Variants in TSPAN9 observed in about 807,000 individuals in gnomAD.
TSPAN9 encodes the protein tetraspanin-9.
Under a neutral mutation model 31.0 loss-of-function variants are expected in TSPAN9, and 16 were observed. The ratio of observed to expected loss-of-function variants is 0.52; its 90% CI spans 0.35 to 0.78. The LOEUF (loss-of-function observed/expected upper bound fraction) is 0.78, where lower values mean the gene tolerates loss of function less well. Among genes scored for constraint, TSPAN9 ranks in the 30% least tolerant of loss-of-function variants. TSPAN9 has a pLI of 0.01. For missense variants in TSPAN9, 272 were observed against 312.5 expected (o/e 0.87, Z 0.98); for synonymous variants, 145 against 121.6 (o/e 1.19, Z -1.27).
At chr12:3,247,969 G>T (rs660140) in intron 3 of TSPAN9, among the ~76,000 whole-genome samples, 1 of 152,022 alleles carries the variant, frequency 6.6e-6, no homozygotes, top group Non-Finnish European at 1.5e-5. Context: ...AGCGCAGCGG[G>T]GCATGGAGGA....
At chr12:3,086,275 T>G (rs1368783236) in intron 2 of TSPAN9, among the ~76,000 whole-genome samples, 2 of 151,836 alleles carry the variant, frequency 1.3e-5, no homozygotes, top group African/African-American at 2.4e-5. Context: ...GCATCTGGAG[T>G]TGGGAGCACG....
At chr12:3,228,687 A>G (rs1226567700) in intron 3 of TSPAN9, among the ~76,000 whole-genome samples, 3 of 152,110 alleles carry the variant, frequency 2.0e-5, no homozygotes, top group Non-Finnish European at 4.4e-5. Context: ...GGTACAGTTG[A>G]TGTTGCTGGG....
intron 3 of TSPAN9, among the ~76,000 whole-genome samples, chr12:3,270,693 T>C (rs1396611996): frequency 6.6e-6 from 1 of 152,364 alleles, no homozygotes; most frequent in South Asian, 2.1e-4. Context: ...TGACTGGGCA[T>C]TTATCCCACC....
intron 3 of TSPAN9, among the ~76,000 whole-genome samples, chr12:3,277,132 C>T (rs1375564481): frequency 6.6e-6 from 1 of 152,196 alleles, no homozygotes; most frequent in African/African-American, 2.4e-5. Context: ...CTAATTCTCA[C>T]AGCAGTCCAA....
At chr12:3,151,968 T>G (rs1242058059) in intron 2 of TSPAN9, among the ~76,000 whole-genome samples, 1 of 152,050 alleles carries the variant, frequency 6.6e-6, no homozygotes, top group African/African-American at 2.4e-5. Context: ...AATTGAAAAG[T>G]AAAAGCCCAA....
intron 2 of TSPAN9, among the ~76,000 whole-genome samples, chr12:3,118,721 A>C (rs1035594911): frequency 6.6e-6 from 1 of 151,538 alleles, no homozygotes; most frequent in African/African-American, 2.4e-5. Flanking sequence ...GGTCTCTCCC[A>C]CTCCCAGCCA....
Position 3,170,915 on chromosome 12 carries a change from C to T in TSPAN9, c.-17-30262C>T, listed in dbSNP as rs143007637. On this transcript the variant is annotated intron_variant, in intron 2 of 8. Coordinates refer to ENST00000011898, the MANE Select transcript of TSPAN9 (RefSeq NM_006675.5). This position sits in a 1 kb window ranked among gnomAD's most constrained non-coding sequence, Gnocchi z 4.4. Reference sequence around the variant, plus strand: ...TTTCTTAAGCATTGCATCTGCGTCTCCACTTGGATGACTAATAGACGTCCT... The same window carrying T: ...TTTCTTAAGCATTGCATCTGCGTCTTCACTTGGATGACTAATAGACGTCCT... 1.9e-4 allele frequency among the ~76,000 whole-genome samples: 29 copies of T among 152,268 alleles called. No individual in the cohort carries two copies. In the East Asian group the frequency reaches 4.2e-3, roughly 22 times the overall value.
intron 3 of TSPAN9, among the ~76,000 whole-genome samples, chr12:3,249,702 C>G (rs497878): frequency 0.33 from 50,744 of 152,056 alleles, 9,237 homozygotes; most frequent in Middle Eastern, 0.42. Context: ...TTCATCTCCA[C>G]ATCATCCCTC....
chr12:3,246,342 A>G (rs1391284664), intron 3 of TSPAN9, among the ~76,000 whole-genome samples: 1 of 152,094 alleles, frequency 6.6e-6, no homozygotes, highest in East Asian at 1.9e-4. Flanking sequence ...GGTGGGGACC[A>G]ATATCCAAAC....
At chr12:3,158,984 A>C (rs1026621941) in intron 2 of TSPAN9, among the ~76,000 whole-genome samples, 15 of 151,956 alleles carry the variant, frequency 9.9e-5, no homozygotes, top group African/African-American at 3.6e-4. Flanking sequence ...GGCTTTGCTT[A>C]GGGCCCTCTG....
At chr12:3,162,075 A>G (rs764210179) in intron 2 of TSPAN9, among the ~76,000 whole-genome samples, 7 of 152,080 alleles carry the variant, frequency 4.6e-5, no homozygotes, top group Non-Finnish European at 1.0e-4. Context: ...GAATAGATTA[A>G]TGTCCTCCCT....
intron 2 of TSPAN9, among the ~76,000 whole-genome samples, chr12:3,157,314 G>C (rs1286049379): frequency 6.6e-6 from 1 of 151,940 alleles, no homozygotes; most frequent in Admixed American, 6.5e-5. Context: ...TGTTAGCCAG[G>C]GTGGTCTCAA....
intron 2 of TSPAN9, among the ~76,000 whole-genome samples, chr12:3,126,951 C>CA (rs1298875954): frequency 3.3e-5 from 5 of 151,512 alleles, no homozygotes; most frequent in African/African-American, 4.8e-5. Flanking sequence ...ATACAGGAAG[C>CA]AAAAAAAATT....
intron 3 of TSPAN9, among the ~76,000 whole-genome samples, chr12:3,237,746 G>A (rs1383015994): frequency 1.3e-5 from 2 of 152,182 alleles, no homozygotes; most frequent in Non-Finnish European, 2.9e-5. Flanking sequence ...AGAGGGCAGG[G>A]TCAGCTTGCC....
intron 2 of TSPAN9, among the ~76,000 whole-genome samples, chr12:3,125,272 A>C (rs1018679886): frequency 5.3e-5 from 8 of 152,056 alleles, no homozygotes; most frequent in African/African-American, 1.9e-4. Context: ...AACAACAAAA[A>C]CATCAGAAGT....
chr12:3,231,139 CAT>C (rs944448778), intron 3 of TSPAN9, among the ~76,000 whole-genome samples: 2 of 151,142 alleles, frequency 1.3e-5, no homozygotes, highest in Non-Finnish European at 2.9e-5. Flanking sequence ...CAGAGAATGC[CAT>C]ACATTCTTTC....
At chr12:3,089,577 G>A (rs969458848) in intron 2 of TSPAN9, among the ~76,000 whole-genome samples, 4 of 152,144 alleles carry the variant, frequency 2.6e-5, no homozygotes, top group South Asian at 2.1e-4. Context: ...TTACAGGTGT[G>A]AGCCACTGCG....
intron 3 of TSPAN9, among the ~76,000 whole-genome samples, chr12:3,251,230 T>C (rs907889120): frequency 2.0e-5 from 3 of 152,196 alleles, no homozygotes; most frequent in African/African-American, 7.2e-5. Context: ...AGAGACCTCC[T>C]CCATGACTAA....
At chr12:3,281,014 C>G (rs1862882112) in intron 6 of TSPAN9, among the ~76,000 whole-genome samples, 184 bp from the exon 7 acceptor site, 3 of 152,200 alleles carry the variant, frequency 2.0e-5, no homozygotes, top group African/African-American at 7.2e-5. Flanking sequence ...AGTGCTCACT[C>G]ACTTCTCCAG....
Sources: allele counts gnomAD v4.1 joint callset (sites outside exome capture counted in the v4.1 genomes callset), GRCh38; gene constraint gnomAD v4.1.1; non-coding constraint Gnocchi (gnomAD v3.1); transcripts MANE v1.5; gene names NCBI Gene and HGNC (gene_info 2026-07-23, HGNC 2026-07-21).